LIMK2: variants seen among roughly 807,000 people sequenced by gnomAD.
LIMK2 encodes the protein LIM domain kinase 2.
In LIMK2, 35 loss-of-function variants were observed where a neutral mutation model predicts 75.7. The observed-to-expected ratio is 0.46, with a 90% CI of 0.35 to 0.61. The LOEUF is 0.61. Among genes scored for constraint, LIMK2 ranks in the 20% least tolerant of loss-of-function variants. The probability of loss-of-function intolerance (pLI) is 0.00; values close to 1 mark genes in which losing one functional copy is unlikely to be tolerated. For missense variants in LIMK2, 623 were observed against 831.0 expected, an observed-to-expected ratio of 0.75 and a Z score of 3.08; for synonymous variants, 301 against 319.2, an observed-to-expected ratio of 0.94 and a Z score of 0.61.
At chr22:31,222,192 T>G (rs2048439742) in intron 1 of LIMK2, among the ~76,000 whole-genome samples, 1 of 151,920 alleles carries the variant, frequency 6.6e-6, no homozygotes, top group Non-Finnish European at 1.5e-5. Flanking sequence ...TGCCTCAGCC[T>G]CCTGAGTAGC....
Position 31,279,969 on chromosome 22 carries a change from A to C in LIMK2, c.*1528A>C, listed in dbSNP as rs1022734225. The C allele has an allele frequency of 6.6e-6, 1 of 152,454 alleles. No individual in the cohort carries two copies. The highest frequency in any genetic ancestry group is 2.4e-5 in the African/African-American group (1 of 41,462). The allele number at this position is 152,454 out of a possible 1,614,324, so 9.4% of individuals were successfully genotyped here. A position where few individuals can be genotyped will look rare whatever the true frequency, so the allele number is the denominator to read the frequency against. On this transcript the variant is annotated 3_prime_UTR_variant, in exon 16 of 16. Transcript: ENST00000331728. ...TGGACTCCCAGCAGCAGCACAGTTC[A>C]GCATTGTGTGGCTGGTTGTTTCCTG...
chr22:31,276,964 A>T, intron 15 of LIMK2: 1 of 1,613,866 alleles, frequency 6.2e-7, no homozygotes, highest in East Asian at 2.2e-5. Flanking sequence ...GGAAGAGGAG[A>T]TCTCAGAACT....
Position 31,262,195 on chromosome 22 carries a change from C to T in LIMK2, c.613C>T (p.Leu205=), listed in dbSNP as rs2048847143. 2 of 1,614,164 alleles carry T rather than the reference C, an allele frequency of 1.2e-6. No individual in the cohort carries two copies. Among genetic ancestry groups the T allele is most frequent in the Non-Finnish European group, 1.7e-6 (2 of 1,180,006 alleles). The change falls in exon 6 of 16, where the codon CTG becomes TTG. Residue 205 remains leucine, a synonymous_variant. Transcript: ENST00000331728. This position sits in a 1 kb window ranked among gnomAD's most constrained non-coding sequence, Gnocchi z 5.0. ...RNAIHPGDRI[L]EINGTPVRTL... ...CGCCATCCACCCTGGGGACCGCATC[C>T]TGGAGATCAATGGGACCCCCGTCCG...
chr22:31,274,734 T>C (rs190729762), intron 14 of LIMK2, among the ~76,000 whole-genome samples: 46 of 152,330 alleles, frequency 3.0e-4, no homozygotes, highest in Admixed American at 2.5e-3. Flanking sequence ...AATTGTTTTC[T>C]TTAATATTAA....
chr22:31,260,140 G>C, intron 5 of LIMK2, 63 bp downstream of exon 5: 3 of 1,369,462 alleles, frequency 2.2e-6, no homozygotes, highest in South Asian at 1.4e-5. Flanking sequence ...GGGCCTCAGA[G>C]GGCTTAGACC....
At chr22:31,240,427 CTTTT>C (rs58947836) in intron 2 of LIMK2, among the ~76,000 whole-genome samples, 1 of 140,582 alleles carries the variant, frequency 7.1e-6, no homozygotes. Flanking sequence ...TCTAGAATCA[CTTTT>C]TTTTTTTTTT....
chr22:31,228,161 A>T (rs1055669338), intron 2 of LIMK2, among the ~76,000 whole-genome samples: 4 of 152,134 alleles, frequency 2.6e-5, no homozygotes, highest in African/African-American at 9.7e-5. Flanking sequence ...TCACGCCTGT[A>T]ATCCCAGCAC....
At chr22:31,229,595 C>T (rs1190102107) in intron 2 of LIMK2, among the ~76,000 whole-genome samples, 2 of 152,172 alleles carry the variant, frequency 1.3e-5, no homozygotes, top group Non-Finnish European at 2.9e-5. Flanking sequence ...CCCTTCCAGC[C>T]TTGCTCTTAC....
At chr22:31,260,172 C>T in intron 5 of LIMK2, 95 bp downstream of exon 5, 1 of 1,021,764 alleles carries the variant, frequency 9.8e-7, no homozygotes, top group Non-Finnish European at 1.4e-6. Context: ...ATGCAGAACT[C>T]CCTTTATTCT....
chr22:31,277,095 C>G (rs775344592), intron 15 of LIMK2: 77 of 1,613,820 alleles, frequency 4.8e-5, no homozygotes, highest in Non-Finnish European at 6.1e-5. Context: ...GCCTGCTGGA[C>G]AAGATCCGGG....
intron 1 of LIMK2, among the ~76,000 whole-genome samples, chr22:31,225,507 G>A (rs2048469999): frequency 6.6e-6 from 1 of 152,226 alleles, no homozygotes; most frequent in African/African-American, 2.4e-5. Context: ...CTACTTTTGA[G>A]GCCATGAGTT....
At position 31,268,136 on chromosome 22, in the gene LIMK2, T is replaced by A; in HGVS notation, c.1261-8T>A. On this transcript the variant is annotated splice_polypyrimidine_tract_variant and splice_region_variant and intron_variant, in intron 10 of 15. Transcript: ENST00000331728. The stretch of plus-strand genomic sequence containing the variant: ...AACAGCCTCTGAAAATCATTCCCCA[T>A]TCTGCAGGATCCGTTCCCCTGGCAG... The A allele has an allele frequency of 1.2e-6, 2 of 1,613,796 alleles. No individual in the cohort carries two copies. The highest frequency in any genetic ancestry group is 8.5e-7 in the Non-Finnish European group (1 of 1,179,818).
Position 31,271,693 on chromosome 22 carries a change from A to G in LIMK2, c.1383+492A>G, listed in dbSNP as rs550322626. Reference sequence around the variant, plus strand: ...TTGCTATCTGGCTTCCTGGGTGTCTACCGGCTGGCCCTGGCTCTGCCCTCT... The same window carrying G: ...TTGCTATCTGGCTTCCTGGGTGTCTGCCGGCTGGCCCTGGCTCTGCCCTCT... On this transcript the variant is annotated intron_variant, in intron 12 of 15. Transcript: ENST00000331728. 5.7e-4 allele frequency among the ~76,000 whole-genome samples: 86 copies of G among 152,188 alleles called. 1 individual carries two copies. In the South Asian group the frequency reaches 0.017, roughly 31 times the overall value.
At chr22:31,256,423 C>T (rs1191563613) in intron 2 of LIMK2, among the ~76,000 whole-genome samples, 1 of 151,446 alleles carries the variant, frequency 6.6e-6, no homozygotes, top group Non-Finnish European at 1.5e-5. Flanking sequence ...TCACTGCAAC[C>T]TCCACCTCCT....
chr22:31,238,532 G>C (rs1194687423), intron 2 of LIMK2, among the ~76,000 whole-genome samples: 5 of 152,046 alleles, frequency 3.3e-5, no homozygotes, highest in Non-Finnish European at 7.4e-5. Flanking sequence ...ACACCTCTTT[G>C]GACATTAGGA....
intron 15 of LIMK2, among the ~76,000 whole-genome samples, chr22:31,276,125 A>G (rs1032864409): frequency 2.6e-5 from 4 of 152,100 alleles, no homozygotes; most frequent in African/African-American, 9.7e-5. Context: ...AACCCCAGCT[A>G]CTTGGGAGGC....
At chr22:31,246,183 G>GCACACACACACACACACACACACACACA (rs57524309) in intron 2 of LIMK2, among the ~76,000 whole-genome samples, 54 of 135,090 alleles carry the variant, frequency 4.0e-4, no homozygotes, top group South Asian at 1.0e-3. Flanking sequence ...ACGCACGCAC[G>GCACACACACACACACACACACACACACA]CACACACACA....
intron 1 of LIMK2, among the ~76,000 whole-genome samples, chr22:31,215,328 C>T (rs181193264): frequency 2.6e-5 from 4 of 152,340 alleles, no homozygotes. Flanking sequence ...TCAGATTCCT[C>T]GTGTAACCGG....
At chr22:31,272,826 GAT>G in intron 13 of LIMK2, 122 bp downstream of exon 13, 5 of 1,423,554 alleles carry the variant, frequency 3.5e-6, no homozygotes, top group Non-Finnish European at 4.6e-6. Flanking sequence ...CAGAGCTGAG[GAT>G]ATTTTTCCCT....
Sources: allele counts gnomAD v4.1 joint callset (sites outside exome capture counted in the v4.1 genomes callset), GRCh38; gene constraint gnomAD v4.1.1; non-coding constraint Gnocchi (gnomAD v3.1); transcripts MANE v1.5; gene names NCBI Gene and HGNC (gene_info 2026-07-23, HGNC 2026-07-21).